The following BRWD1 variants were observed in gnomAD, a reference collection of about 807,000 sequenced individuals.
The protein encoded by BRWD1 is bromodomain and WD repeat-containing protein 1.
BRWD1 carries 82 observed loss-of-function variants against 251.2 expected under a neutral mutation model. The observed-to-expected ratio is 0.33, with a 90% CI of 0.27 to 0.39. BRWD1 has a LOEUF of 0.39. Ranked by LOEUF, BRWD1 falls within the 10% of genes least tolerant of loss-of-function variation. The probability of loss-of-function intolerance (pLI) is 1.00; values close to 1 mark genes in which losing one functional copy is unlikely to be tolerated. For missense variants in BRWD1, 2,233 were observed against 2,711.6 expected, an observed-to-expected ratio of 0.82 and a Z score of 3.92; for synonymous variants, 918 against 902.8, an observed-to-expected ratio of 1.02 and a Z score of -0.30.
chr21:39,215,683 A>G (rs1300921504), intron 31 of BRWD1, among the ~76,000 whole-genome samples: 1 of 152,142 alleles, frequency 6.6e-6, no homozygotes, highest in Non-Finnish European at 1.5e-5. Context: ...TAAAGAAAAT[A>G]TGTTAAATAT....
chr21:39,272,918 T>C (rs73209836), intron 13 of BRWD1, among the ~76,000 whole-genome samples: 28 of 152,300 alleles, frequency 1.8e-4, no homozygotes, highest in Non-Finnish European at 3.5e-4. Flanking sequence ...AGCCACAAAT[T>C]AATAACTTTG....
chr21:39,314,287 C>G (rs777520281), upstream of BRWD1: 20 of 455,856 alleles, frequency 4.4e-5, no homozygotes, highest in East Asian at 1.4e-3. Flanking sequence ...CTGCCGAGAC[C>G]CAGCCACATC....
In BRWD1 at chr21:39,192,145, A is replaced by T. The variant is rs1453893442; in HGVS notation, c.*4114T>A. ...CTTGGCAGATTATGAAAAAGGTAAAAATCTCTTACTTTTGAGAATCCCCAT... is the reference window on the plus strand; with the variant it reads ...CTTGGCAGATTATGAAAAAGGTAAATATCTCTTACTTTTGAGAATCCCCAT... On this transcript the variant is annotated 3_prime_UTR_variant, in exon 41 of 41. Transcript: ENST00000342449. 1.0e-6 allele frequency: 1 copy of T among 985,074 alleles called. No individual in the cohort carries two copies. The highest frequency in any genetic ancestry group is 1.2e-6 in the Non-Finnish European group (1 of 829,766). The allele number at this position is 985,074 out of a possible 1,614,324, so 61.0% of individuals were successfully genotyped here.
At chr21:39,254,573 CT>C (rs1433256478) in intron 19 of BRWD1, among the ~76,000 whole-genome samples, 1 of 152,182 alleles carries the variant, frequency 6.6e-6, no homozygotes, top group Non-Finnish European at 1.5e-5. Context: ...AGGAATAAAT[CT>C]TTATTTTGAG....
Position 39,199,320 on chromosome 21 carries a change from A to G in BRWD1, c.5096T>C (p.Leu1699Pro), listed in dbSNP as rs1041439. 0.92 allele frequency: 1,483,975 copies of G among 1,614,144 alleles called. 685,831 individuals are homozygous for G. The highest frequency in any genetic ancestry group is 0.97 in the African/African-American group (72,714 of 75,042). The change falls in exon 40 of 41, where the codon CTA becomes CCA. Residue 1699 changes from leucine to proline, a missense_variant. Transcript: ENST00000342449. ...EEEELKDENQLLPVSSSHTAQ... is the reference protein window; with the variant it reads ...EEEELKDENQPLPVSSSHTAQ... Reference sequence around the variant, plus strand: ...AGTGTGAGAACTGGACACTGGTAATAGTTGATTTTCATCTTTTAGCTCCTC... The same window carrying G: ...AGTGTGAGAACTGGACACTGGTAATGGTTGATTTTCATCTTTTAGCTCCTC...
chr21:39,319,030 C>T (rs183671999), intron 1 of BRWD1, among the ~76,000 whole-genome samples: 13 of 152,180 alleles, frequency 8.5e-5, no homozygotes, highest in Admixed American at 2.0e-4. Context: ...GCTGGGATTA[C>T]AGGCGTGAGC....
chr21:39,228,488 G>A lies in BRWD1; in HGVS notation c.3208+12C>T. On this transcript the variant is annotated intron_variant, in intron 27 of 40. Transcript: ENST00000342449. ...TTTAAGGGTATATAAAACTTAGTAA[G>A]GATAGACTTACAAGACTGCCAATTC... is the stretch of plus-strand genomic sequence containing the variant. The A allele has an allele frequency of 6.3e-7, 1 of 1,595,706 alleles. No homozygotes were observed. The highest frequency in any genetic ancestry group is 8.6e-7 in the Non-Finnish European group (1 of 1,164,016).
intron 21 of BRWD1, 57 bp downstream of exon 21, chr21:39,247,644 G>T (rs2034241759): frequency 6.6e-7 from 1 of 1,520,344 alleles, no homozygotes; most frequent in East Asian, 2.3e-5. Context: ...TCAAAGTAAA[G>T]AATTAAGCCA....
intron 17 of BRWD1, among the ~76,000 whole-genome samples, chr21:39,263,582 A>G (rs1315519582): frequency 2.0e-5 from 3 of 152,204 alleles, no homozygotes; most frequent in Admixed American, 2.0e-4. Context: ...GGTGAGCAAT[A>G]GACAGTCATA....
chr21:39,298,625 CA>C (rs1489887832), intron 4 of BRWD1, 43 bp from the exon 5 acceptor site: 1 of 1,469,208 alleles, frequency 6.8e-7, no homozygotes, highest in African/African-American at 1.4e-5. Context: ...TTAATAATAT[CA>C]AAAACTATTA....
At chr21:39,292,913 G>C (rs1482354474) in intron 8 of BRWD1, among the ~76,000 whole-genome samples, 1 of 152,150 alleles carries the variant, frequency 6.6e-6, no homozygotes, top group Non-Finnish European at 1.5e-5. Flanking sequence ...TAAATAGTGT[G>C]ATAATGGTGT....
At position 39,228,299 on chromosome 21, in the gene BRWD1, G is replaced by A. The variant is rs535931761; in HGVS notation, c.3208+201C>T. Reference sequence around the variant, plus strand: ...GGAGAAAATGCGTGCCATGCCCACCGTCCCCCGGCCCCTACCAAGAAAGTC... The same window carrying A: ...GGAGAAAATGCGTGCCATGCCCACCATCCCCCGGCCCCTACCAAGAAAGTC... On this transcript the variant is annotated intron_variant, in intron 27 of 40. Transcript: ENST00000342449. Among the ~76,000 whole-genome samples, 136 of 151,948 alleles carry A rather than the reference G, an allele frequency of 9.0e-4. 1 individual carries two copies. Among genetic ancestry groups the A allele is most frequent in the South Asian group, 2.7e-3 (13 of 4,816 alleles).
In BRWD1 at chr21:39,195,435, T is replaced by G. The variant is rs182818342; in HGVS notation, c.*824A>C. ...GTAAGATTATGGAAGAGCAAGATTT[T>G]GGTTAAATCCCTTACAATGGAAACC... On this transcript the variant is annotated 3_prime_UTR_variant, in exon 41 of 41. Coordinates refer to ENST00000342449, the MANE Select transcript of BRWD1 (RefSeq NM_033656.4). The G allele has an allele frequency of 2.3e-4, 228 of 985,760 alleles. No individual in the cohort carries two copies. The African/African-American group carries it at 3.6e-3, about 16-fold the overall frequency. The allele number at this position is 985,760 out of a possible 1,614,324, so 61.1% of individuals were successfully genotyped here.
Position 39,196,277 on chromosome 21 carries a change from G to T in BRWD1, c.6792C>A (p.Phe2264Leu). The T allele has an allele frequency of 1.9e-6, 3 of 1,600,898 alleles. No individual in the cohort carries two copies. The highest frequency in any genetic ancestry group is 2.6e-6 in the Non-Finnish European group (3 of 1,173,790). Residue 2264 changes from phenylalanine to leucine, a missense_variant, in exon 41 of 41, where the codon TTC (phenylalanine) becomes TTA (leucine). By Grantham distance (22) the Phe-to-Leu change is conservative. This residue lies in a region of BRWD1 where 928 missense variants were observed against 970.0 expected (regional missense o/e 0.96). Transcript: ENST00000342449. ...DDRSLENVLD[F>L]NGCTL ...CTCAAGGTCATAAGGTGCAACCATT[G>T]AAATCTAACACATTTTCTAAACTTC...
At chr21:39,220,967 G>C (rs1320692399) in intron 29 of BRWD1, among the ~76,000 whole-genome samples, 1 of 151,968 alleles carries the variant, frequency 6.6e-6, no homozygotes, top group Non-Finnish European at 1.5e-5. Flanking sequence ...AGACCAGCCT[G>C]GCCATGGCAA....
At position 39,199,658 on chromosome 21, in the gene BRWD1, G is replaced by A. The variant is rs149736373; in HGVS notation, c.4758C>T (p.Pro1586=). Residue 1586 remains proline (P), a synonymous_variant, in exon 40 of 41, where the codon CCC becomes CCT. Coordinates refer to ENST00000342449, the MANE Select transcript of BRWD1 (RefSeq NM_033656.4). Reference sequence around the variant, plus strand: ...TGCCACATCCATTTGCTAATGAAACGGGACCTAGAAATAAGGTTAACAATA... The same window carrying A: ...TGCCACATCCATTTGCTAATGAAACAGGACCTAGAAATAAGGTTAACAATA... ...RTRAAQRKTG[P]VSLANGCGRK... is the part of the protein sequence containing the mutation. 4.0e-4 allele frequency: 635 copies of A among 1,593,200 alleles called. 2 individuals are homozygous for A. Among genetic ancestry groups the A allele is most frequent in the Middle Eastern group, 1.7e-4 (1 of 5,940 alleles).
chr21:39,273,036 G>C (rs1482124765), intron 13 of BRWD1, among the ~76,000 whole-genome samples: 1 of 152,166 alleles, frequency 6.6e-6, no homozygotes, highest in Non-Finnish European at 1.5e-5. Context: ...TGTTTTTCAA[G>C]ATTTGAAAGC....
intron 17 of BRWD1, among the ~76,000 whole-genome samples, chr21:39,259,378 C>T (rs898592235): frequency 6.6e-6 from 1 of 152,168 alleles, no homozygotes; most frequent in Non-Finnish European, 1.5e-5. Flanking sequence ...GCAAGCTCTG[C>T]CTCCTGGGTT....
In BRWD1 at chr21:39,218,184, T is replaced by C; in HGVS notation, c.3627A>G (p.Thr1209=). The change falls in exon 31 of 41, where the codon ACA becomes ACG. Residue 1209 remains threonine, a synonymous_variant. Coordinates refer to ENST00000342449, the MANE Select transcript of BRWD1 (RefSeq NM_033656.4). ...ATCGATTAACAAGTCTCATTCGAAT[T>C]GTGTAAAGATCGGTTGGATAAGCTA... The part of the protein sequence containing the change: ...TVVAYPTDLY[T]IRMRLVNRFY... The C allele has an allele frequency of 7.5e-6, 12 of 1,609,774 alleles. No homozygotes were observed. Among genetic ancestry groups the C allele is most frequent in the Non-Finnish European group, 1.0e-5 (12 of 1,178,956 alleles).
Sources: gnomAD v4.1 joint callset for allele counts (sites outside exome capture counted in the v4.1 genomes callset) on GRCh38, gnomAD v4.1.1 for gene constraint, gnomAD v4.1.1 regional missense constraint, MANE v1.5 for transcripts, NCBI Gene and HGNC (gene_info 2026-07-23, HGNC 2026-07-21) for gene names.